RBFOX1: variants seen among roughly 807,000 people sequenced by gnomAD.
The protein encoded by RBFOX1 is RNA binding protein fox-1 homolog 1.
In RBFOX1, 8 loss-of-function variants were observed where a neutral mutation model predicts 57.7. The observed-to-expected ratio is 0.14, with a 90% confidence interval of 0.08 to 0.25. RBFOX1 has a LOEUF of 0.25. RBFOX1 is among the 10% of genes least tolerant of loss of function. RBFOX1 has a pLI of 1.00. For synonymous variants in RBFOX1, 326 were observed against 222.4 expected, an observed-to-expected ratio of 1.47 and a Z score of -4.15; for missense variants, 611 against 548.5, an observed-to-expected ratio of 1.11 and a Z score of -1.14.
At chr16:6,490,693 G>T (rs1264766261) in intron 2 of RBFOX1, among the ~76,000 whole-genome samples, 1 of 152,280 alleles carries the variant, frequency 6.6e-6, no homozygotes, top group Admixed American at 6.5e-5. Flanking sequence ...ATCTGGTCAT[G>T]GAGCAATATT....
chr16:7,569,055 C>G (rs1001080454), intron 5 of RBFOX1, among the ~76,000 whole-genome samples: 1 of 152,056 alleles, frequency 6.6e-6, no homozygotes, highest in South Asian at 2.1e-4. Context: ...CTACTTTCCT[C>G]CCTTTTAAAC....
At chr16:7,504,289 T>A (rs776318924) in intron 4 of RBFOX1, among the ~76,000 whole-genome samples, 13 of 152,198 alleles carry the variant, frequency 8.5e-5, no homozygotes, top group East Asian at 5.9e-4. Flanking sequence ...GTGGCAAGCA[T>A]GTGGTTTAAG....
intron 1 of RBFOX1, among the ~76,000 whole-genome samples, chr16:6,169,443 G>GA (rs565519469): frequency 2.7e-4 from 41 of 150,198 alleles, no homozygotes; most frequent in South Asian, 1.7e-3. Context: ...GGTTTCTGAT[G>GA]AAAAAAAAAG....
intron 3 of RBFOX1, among the ~76,000 whole-genome samples, chr16:6,852,216 A>T (rs1053604883): frequency 6.6e-6 from 1 of 152,094 alleles, no homozygotes; most frequent in African/African-American, 2.4e-5. Flanking sequence ...TCTGGAGTCT[A>T]TTCTTCTAGC....
At chr16:6,419,263 G>T (rs143816913) in intron 2 of RBFOX1, among the ~76,000 whole-genome samples, 1 of 152,228 alleles carries the variant, frequency 6.6e-6, no homozygotes, top group Non-Finnish European at 1.5e-5. Flanking sequence ...GGTATATGCT[G>T]TGGTATCGTA....
At chr16:5,535,055 T>A (rs1221024018) in intron 2 of RBFOX1, among the ~76,000 whole-genome samples, 1 of 152,200 alleles carries the variant, frequency 6.6e-6, no homozygotes. Flanking sequence ...GGGGCTTAGA[T>A]CCTACTGGAG....
At chr16:5,673,571 TC>T (rs2050079713) in intron 3 of RBFOX1, among the ~76,000 whole-genome samples, 1 of 152,172 alleles carries the variant, frequency 6.6e-6, no homozygotes, top group Non-Finnish European at 1.5e-5. Context: ...GGTTGTTCCG[TC>T]AAGTGGAAGG....
intron 1 of RBFOX1, among the ~76,000 whole-genome samples, chr16:5,374,438 T>A (rs1396921836): frequency 6.6e-6 from 1 of 152,132 alleles, no homozygotes; most frequent in Non-Finnish European, 1.5e-5. Flanking sequence ...GGAGAGGAAT[T>A]CCAGGAGGAG....
At chr16:6,743,400 C>A (rs866159111) in intron 3 of RBFOX1, among the ~76,000 whole-genome samples, 1 of 152,070 alleles carries the variant, frequency 6.6e-6, no homozygotes, top group Admixed American at 6.6e-5. Context: ...AAAATAAGAT[C>A]AAATTATAGG....
chr16:7,384,712 A>C (rs1475658120), intron 4 of RBFOX1, among the ~76,000 whole-genome samples: 1 of 152,224 alleles, frequency 6.6e-6, no homozygotes, highest in Admixed American at 6.5e-5. Context: ...ACTTGCACGA[A>C]ATAGAGATGT....
intron 4 of RBFOX1, among the ~76,000 whole-genome samples, chr16:7,087,197 G>A (rs1030584351): frequency 3.3e-5 from 5 of 152,100 alleles, no homozygotes; most frequent in Middle Eastern, 3.2e-3. Context: ...TTTTCTCTGC[G>A]GCTGGAGCTT....
At chr16:7,073,366 T>G (rs953466462) in intron 4 of RBFOX1, among the ~76,000 whole-genome samples, 1 of 152,124 alleles carries the variant, frequency 6.6e-6, no homozygotes, top group Non-Finnish European at 1.5e-5. Context: ...CCTAAGAAGA[T>G]CTTCCCAACA....
At position 5,934,859 on chromosome 16, in the gene RBFOX1, A is replaced by G. The variant is rs548306229; in HGVS notation, c.351+67524A>G. The stretch of plus-strand genomic sequence containing the variant: ...GCAGGGGACCGGGCCACTCACAGAA[A>G]GAGTTGTGGCAGCTGCACACAGACT... On this transcript the variant is annotated intron_variant, in intron 4 of 19. Coordinates refer to the RBFOX1 transcript ENST00000641259. Among the ~76,000 whole-genome samples the G allele has an allele frequency of 1.5e-3, 226 of 152,358 alleles. 1 individual carries two copies. The highest frequency in any genetic ancestry group is 2.7e-3 in the Non-Finnish European group (183 of 68,040).
chr16:6,367,922 C>G (rs1399576669), intron 2 of RBFOX1, among the ~76,000 whole-genome samples: 1 of 152,158 alleles, frequency 6.6e-6, no homozygotes, highest in African/African-American at 2.4e-5. Flanking sequence ...TCCAACTTAA[C>G]TTTTTGCCCA....
intron 4 of RBFOX1, among the ~76,000 whole-genome samples, chr16:5,939,236 T>C (rs1017445855): frequency 1.3e-5 from 2 of 152,200 alleles, no homozygotes; most frequent in Admixed American, 6.5e-5. Flanking sequence ...ACTTAAAGTA[T>C]AATAAAAAGT....
intron 4 of RBFOX1, among the ~76,000 whole-genome samples, chr16:5,926,207 T>A (rs188271727): frequency 6.6e-6 from 1 of 152,356 alleles, no homozygotes. Context: ...AAATGAGATA[T>A]GCGTATAATT....
chr16:6,944,642 G>A (rs114618738), intron 3 of RBFOX1, among the ~76,000 whole-genome samples: 332 of 152,232 alleles, frequency 2.2e-3, no homozygotes, highest in African/African-American at 7.6e-3. Context: ...GTGGGGGTCT[G>A]GCCATGCATC....
chr16:7,462,688 C>T (rs1216393239), intron 4 of RBFOX1, among the ~76,000 whole-genome samples: 1 of 152,188 alleles, frequency 6.6e-6, no homozygotes, highest in Non-Finnish European at 1.5e-5. Context: ...TCAGCTTTGC[C>T]TGGTTCAGTC....
intron 3 of RBFOX1, among the ~76,000 whole-genome samples, chr16:6,988,736 T>A: frequency 1.3e-5 from 1 of 75,330 alleles, no homozygotes; most frequent in South Asian, 5.0e-4. Flanking sequence ...AGCTAATTTT[T>A]TTTTTTGTTT....
Sources: allele counts gnomAD v4.1 joint callset (sites outside exome capture counted in the v4.1 genomes callset), GRCh38; gene constraint gnomAD v4.1.1; transcripts MANE v1.5; gene names NCBI Gene and HGNC (gene_info 2026-07-23, HGNC 2026-07-21).